Variants in ZYG11B observed in about 807,000 individuals in gnomAD.
ZYG11B encodes the protein zyg-11 family member B, cell cycle regulator, also known as protein zyg-11 homolog B.
In ZYG11B, 36 loss-of-function variants were observed where a neutral mutation model predicts 82.4. That is an observed-to-expected ratio of 0.44 (90% CI 0.33 to 0.58). The LOEUF is 0.58. Ranked by LOEUF, ZYG11B falls within the 20% of genes least tolerant of loss-of-function variation. The probability of loss-of-function intolerance (pLI) is 0.02; values close to 1 mark genes in which losing one functional copy is unlikely to be tolerated. For synonymous variants in ZYG11B, 303 were observed against 312.8 expected (o/e 0.97, Z 0.33); for missense variants, 552 against 895.6 (o/e 0.62, Z 4.90).
At chr1:52,811,078 C>T (rs1252374439) in intron 10 of ZYG11B, among the ~76,000 whole-genome samples, 2 of 150,352 alleles carry the variant, frequency 1.3e-5, no homozygotes, top group East Asian at 3.9e-4. Context: ...CATATTTACT[C>T]ACATTTCTCA....
intron 8 of ZYG11B, among the ~76,000 whole-genome samples, chr1:52,800,991 T>G (rs1445902653): frequency 6.6e-6 from 1 of 152,184 alleles, no homozygotes; most frequent in Non-Finnish European, 1.5e-5. Context: ...ATCTAAAAAT[T>G]GAATTATGGA....
chr1:52,779,021 A>G (rs1241894103), intron 3 of ZYG11B, among the ~76,000 whole-genome samples: 1 of 152,202 alleles, frequency 6.6e-6, no homozygotes, highest in Non-Finnish European at 1.5e-5. Context: ...CAGGGGACCT[A>G]ACTTAAATCA....
chr1:52,821,493 A>T lies in ZYG11B; in HGVS notation c.2099A>T (p.Asn700Ile). Reference sequence around the variant, plus strand: ...GAAGGAGGATTGCAGCATTTATACAACATCAAAGATCATGAACATACTGAT... The same window carrying T: ...GAAGGAGGATTGCAGCATTTATACATCATCAAAGATCATGAACATACTGAT... ...IEEGGLQHLY[N>I]IKDHEHTDPH... Residue 700 changes from asparagine to isoleucine, a missense_variant, in exon 14 of 14, where the codon AAC becomes ATC. This residue lies in a region of ZYG11B where 127 missense variants were observed against 163.4 expected (regional missense o/e 0.78). Coordinates refer to ENST00000294353, the MANE Select transcript of ZYG11B (RefSeq NM_024646.3). 1 of 1,613,534 alleles carries T rather than the reference A, an allele frequency of 6.2e-7. No individual in the cohort carries two copies. Among genetic ancestry groups the T allele is most frequent in the African/African-American group, 1.3e-5 (1 of 75,040 alleles).
intron 5 of ZYG11B, among the ~76,000 whole-genome samples, chr1:52,787,500 CT>C (rs1015721957): frequency 5.3e-5 from 8 of 152,132 alleles, no homozygotes; most frequent in African/African-American, 1.9e-4. Flanking sequence ...GTAATAGATT[CT>C]TTTTCTGAAA....
Position 52,803,097 on chromosome 1 carries a change from T to TATATATATATATATATATAC in ZYG11B, c.1695+959_1695+960insTATATATATATATATATACA, listed in dbSNP as rs1212524091. ...ATATATATATATACACATATATATA[T>TATATATATATATATATATAC]ACATATATATATATATATATACACA... is the stretch of plus-strand genomic sequence containing the variant. On this transcript the variant is annotated intron_variant, in intron 10 of 13. Coordinates refer to ENST00000294353, the MANE Select transcript of ZYG11B (RefSeq NM_024646.3). Among the ~76,000 whole-genome samples, 16 of 44,848 alleles carry TATATATATATATATATATAC rather than the reference T, an allele frequency of 3.6e-4. 1 individual carries two copies. Among genetic ancestry groups the TATATATATATATATATATAC allele is most frequent in the Non-Finnish European group, 6.1e-4 (14 of 22,892 alleles). The allele number at this position is 44,848 out of a possible 152,430, so 29.4% of individuals were successfully genotyped here.
At chr1:52,791,739 G>T (rs12080613) in intron 6 of ZYG11B, among the ~76,000 whole-genome samples, 3,816 of 152,226 alleles carry the variant, frequency 0.025, 165 homozygotes, top group African/African-American at 0.087. Context: ...CATGGCTAAG[G>T]AAAGAGGTGT....
intron 1 of ZYG11B, among the ~76,000 whole-genome samples, chr1:52,753,824 G>A (rs953201415): frequency 6.6e-6 from 1 of 152,092 alleles, no homozygotes; most frequent in African/African-American, 2.4e-5. Context: ...TTGAACTCCC[G>A]ACCGCAGGTG....
chr1:52,817,288 C>T (rs1645233302), intron 13 of ZYG11B, among the ~76,000 whole-genome samples: 1 of 152,008 alleles, frequency 6.6e-6, no homozygotes, highest in African/African-American at 2.4e-5. Context: ...TCTCATTCAC[C>T]CAAAATTCTG....
At chr1:52,772,598 G>A (rs1414913793) in intron 3 of ZYG11B, 3 of 1,410,860 alleles carry the variant, frequency 2.1e-6, no homozygotes, top group African/African-American at 2.8e-5. Flanking sequence ...TGCGTCGATA[G>A]GGTAAAGCCG....
At chr1:52,807,488 G>A (rs568626151) in intron 10 of ZYG11B, among the ~76,000 whole-genome samples, 83 of 131,130 alleles carry the variant, frequency 6.3e-4, no homozygotes, top group African/African-American at 2.4e-3. Context: ...ATTGCTAAGA[G>A]TACTTTTTTT....
intron 2 of ZYG11B, among the ~76,000 whole-genome samples, chr1:52,768,525 A>G (rs1644718214): frequency 6.6e-6 from 1 of 151,738 alleles, no homozygotes; most frequent in Non-Finnish European, 1.5e-5. Context: ...TAACCCCGTG[A>G]TATGCTTTCA....
chr1:52,741,618 T>C (rs992084509), intron 1 of ZYG11B, among the ~76,000 whole-genome samples: 2 of 152,212 alleles, frequency 1.3e-5, no homozygotes, highest in Non-Finnish European at 2.9e-5. Flanking sequence ...TAGTGCCCAC[T>C]ATGTAGTAGG....
At chr1:52,803,167 TACAC>T (rs1174039077) in intron 10 of ZYG11B, among the ~76,000 whole-genome samples, 1 of 62,776 alleles carries the variant, frequency 1.6e-5, no homozygotes, top group Admixed American at 2.2e-4. Context: ...CATATATATA[TACAC>T]ACATATATAT....
At chr1:52,807,282 G>A (rs906406568) in intron 10 of ZYG11B, among the ~76,000 whole-genome samples, 13 of 151,964 alleles carry the variant, frequency 8.6e-5, no homozygotes, top group African/African-American at 2.4e-4. Context: ...GATTACAGGC[G>A]TGAGGCACCA....
chr1:52,742,213 T>G (rs1644436389), intron 1 of ZYG11B, among the ~76,000 whole-genome samples: 1 of 152,100 alleles, frequency 6.6e-6, no homozygotes, highest in Non-Finnish European at 1.5e-5. Flanking sequence ...ACCCCAGCAC[T>G]TTGGAGGCTG....
At chr1:52,786,188 T>C (rs505444) in intron 5 of ZYG11B, among the ~76,000 whole-genome samples, 90,238 of 152,014 alleles carry the variant, frequency 0.59, 29,516 homozygotes, top group East Asian at 0.97. Flanking sequence ...GTATTGAAAA[T>C]TCACTGGCAA....
At chr1:52,746,421 A>G (rs958787488) in intron 1 of ZYG11B, among the ~76,000 whole-genome samples, 1 of 152,120 alleles carries the variant, frequency 6.6e-6, no homozygotes, top group Non-Finnish European at 1.5e-5. Flanking sequence ...ACCAAGCAGA[A>G]TTATTAACCC....
At chr1:52,735,006 G>A (rs542112150) in intron 1 of ZYG11B, among the ~76,000 whole-genome samples, 1 of 151,570 alleles carries the variant, frequency 6.6e-6, no homozygotes, top group East Asian at 2.0e-4. Context: ...TGGGATTACA[G>A]GTATGAGCCA....
intron 1 of ZYG11B, among the ~76,000 whole-genome samples, chr1:52,735,482 G>A (rs1447512130): frequency 6.6e-6 from 1 of 152,176 alleles, no homozygotes; most frequent in Non-Finnish European, 1.5e-5. Context: ...AAATTGTATA[G>A]TAACTAGGCA....
Sources: gnomAD v4.1 joint callset for allele counts (sites outside exome capture counted in the v4.1 genomes callset) on GRCh38, gnomAD v4.1.1 for gene constraint, gnomAD v4.1.1 regional missense constraint, MANE v1.5 for transcripts, NCBI Gene and HGNC (gene_info 2026-07-23, HGNC 2026-07-21) for gene names.